SLC9A7: variants seen among roughly 807,000 people sequenced by gnomAD.
SLC9A7 encodes the protein solute carrier family 9 member A7.
Under a neutral mutation model 52.6 loss-of-function variants are expected in SLC9A7, and 19 were observed. The observed-to-expected ratio is 0.36, with a 90% CI of 0.25 to 0.53. The LOEUF (loss-of-function observed/expected upper bound fraction) is 0.53, where lower values mean the gene tolerates loss of function less well. Among genes scored for constraint, SLC9A7 ranks in the 20% least tolerant of loss-of-function variants. The pLI is 0.91. For synonymous variants in SLC9A7, 226 were observed against 252.1 expected (o/e 0.90, Z 0.98); for missense variants, 455 against 597.9 (o/e 0.76, Z 2.49).
chrX:46,717,154 CA>C (rs1470064637), intron 1 of SLC9A7, among the ~76,000 whole-genome samples: 1 of 112,250 alleles, frequency 8.9e-6, no homozygotes, highest in African/African-American at 3.2e-5. Flanking sequence ...GGAAAATACT[CA>C]AAAGGTGCTC....
At chrX:46,683,034 C>T (rs1448186801) in intron 1 of SLC9A7, among the ~76,000 whole-genome samples, 8 of 99,157 alleles carry the variant, frequency 8.1e-5, no homozygotes, top group Non-Finnish European at 1.6e-4. Flanking sequence ...TGGTCTCGAA[C>T]TCCTGACCTC....
At chrX:46,645,681 T>G (rs1165963003) in intron 11 of SLC9A7, among the ~76,000 whole-genome samples, 5 of 105,892 alleles carry the variant, frequency 4.7e-5, no homozygotes, top group African/African-American at 1.4e-4. Flanking sequence ...AAAGATTTAG[T>G]ACAGTTATGC....
intron 1 of SLC9A7, among the ~76,000 whole-genome samples, chrX:46,749,911 T>C (rs1020632972): frequency 1.8e-5 from 2 of 109,827 alleles, no homozygotes; most frequent in Middle Eastern, 4.6e-3. Context: ...TGAAACCCCG[T>C]CTCTACTAAA....
chrX:46,621,179 C>A, intron 14 of SLC9A7, 120 bp from the exon 15 acceptor site: 1 of 416,371 alleles, frequency 2.4e-6, no homozygotes, highest in South Asian at 5.1e-5. Flanking sequence ...CATCCCATGT[C>A]AGCAAAGTTT....
rs73493063 is a variant in SLC9A7 at position 46,675,262 on chromosome X, A to G, written c.604-2635T>C. Among the ~76,000 whole-genome samples, 735 of 111,135 alleles carry G rather than the reference A, an allele frequency of 6.6e-3. 8 individuals are homozygous for G. Among genetic ancestry groups the G allele is most frequent in the African/African-American group, 0.022 (670 of 30,615 alleles). On this transcript the variant is annotated intron_variant, in intron 3 of 16. Coordinates refer to ENST00000616978, the MANE Select transcript of SLC9A7 (RefSeq NM_001257291.2). ...TTCAAGTCAGAAAGCCCAGGTCTGC[A>G]TGATAGCTATATGATGTGAATAGGC...
intron 1 of SLC9A7, among the ~76,000 whole-genome samples, chrX:46,698,442 CAG>C (rs1383528553): frequency 8.9e-6 from 1 of 112,324 alleles, no homozygotes; most frequent in Non-Finnish European, 1.9e-5. Flanking sequence ...ACTTCCCTGA[CAG>C]AGTTAGCCAT....
intron 1 of SLC9A7, among the ~76,000 whole-genome samples, chrX:46,715,075 C>T (rs1569522324): frequency 8.9e-6 from 1 of 111,960 alleles, no homozygotes; most frequent in Non-Finnish European, 1.9e-5. Flanking sequence ...TCCATCTTGA[C>T]AAAATTCCTT....
intron 1 of SLC9A7, among the ~76,000 whole-genome samples, chrX:46,730,737 A>G (rs1401039853): frequency 8.1e-5 from 7 of 86,570 alleles, no homozygotes; most frequent in Non-Finnish European, 1.1e-4. Context: ...CTTGTTTATA[A>G]TAGTACCAAA....
At chrX:46,630,281 A>G (rs1943201452) in intron 14 of SLC9A7, among the ~76,000 whole-genome samples, 1 of 111,917 alleles carries the variant, frequency 8.9e-6, no homozygotes, top group Non-Finnish European at 1.9e-5. Flanking sequence ...AGAAGATCCT[A>G]TGGAATGTGA....
chrX:46,751,872 A>G (rs1922260259), intron 1 of SLC9A7, among the ~76,000 whole-genome samples: 1 of 112,133 alleles, frequency 8.9e-6, no homozygotes. Flanking sequence ...CACCTCAGGT[A>G]AACTAATGTC....
At position 46,662,630 on chromosome X, in the gene SLC9A7, C is replaced by T. The variant is rs775818437; in HGVS notation, c.807G>A (p.Ala269=). 5.8e-6 allele frequency: 7 copies of T among 1,204,345 alleles called. No homozygotes were observed. The highest frequency in any genetic ancestry group is 2.2e-5 in the Admixed American group (1 of 45,705). ...ISATDPVTVL[A]IFNELHADVD... ...CGTCTGCATGCAATTCATTAAATAT[C>T]GCCAGCACAGTCACTGAAAAGTGAG... Residue 269 remains alanine (A), a synonymous_variant, in exon 6 of 17, where the codon GCG becomes GCA. Coordinates refer to ENST00000616978, the MANE Select transcript of SLC9A7 (RefSeq NM_001257291.2).
At chrX:46,644,312 C>A (rs1943453802) in intron 11 of SLC9A7, among the ~76,000 whole-genome samples, 1 of 111,857 alleles carries the variant, frequency 8.9e-6, no homozygotes, top group African/African-American at 3.3e-5. Context: ...GTTCCTTTCC[C>A]ATATCACGCT....
chrX:46,656,069 C>T (rs1251431598), intron 7 of SLC9A7, among the ~76,000 whole-genome samples: 2 of 111,439 alleles, frequency 1.8e-5, no homozygotes, highest in Admixed American at 1.9e-4. Flanking sequence ...TGACCCCTGA[C>T]CCCCGAGCAG....
At chrX:46,632,668 C>G (rs1373983757) in intron 13 of SLC9A7, among the ~76,000 whole-genome samples, 1 of 111,739 alleles carries the variant, frequency 8.9e-6, no homozygotes, top group Non-Finnish European at 1.9e-5. Context: ...TTTCTCTCCC[C>G]TGCTGCAAAA....
intron 14 of SLC9A7, among the ~76,000 whole-genome samples, chrX:46,622,121 C>T (rs967477044): frequency 2.3e-4 from 26 of 111,930 alleles, no homozygotes; most frequent in African/African-American, 8.4e-4. Context: ...TTTCCAACAG[C>T]AAAGATTATT....
intron 7 of SLC9A7, among the ~76,000 whole-genome samples, chrX:46,659,904 C>T (rs1290225867): frequency 9.5e-6 from 1 of 105,216 alleles, no homozygotes; most frequent in African/African-American, 3.6e-5. Flanking sequence ...AAAAAAGAGC[C>T]TGCATCGCCA....
At chrX:46,702,684 T>C (rs1289427904) in intron 1 of SLC9A7, among the ~76,000 whole-genome samples, 1 of 112,388 alleles carries the variant, frequency 8.9e-6, no homozygotes, top group Non-Finnish European at 1.9e-5. Context: ...CAATCCACTG[T>C]TGATGGGCAC....
At chrX:46,678,918 T>A (rs1374239653) in intron 3 of SLC9A7, among the ~76,000 whole-genome samples, 2 of 111,156 alleles carry the variant, frequency 1.8e-5, no homozygotes, top group South Asian at 3.8e-4. Flanking sequence ...TAGTTCCCTA[T>A]CATTTAATCA....
intron 14 of SLC9A7, among the ~76,000 whole-genome samples, chrX:46,630,413 C>T (rs1476256679): frequency 8.9e-6 from 1 of 112,400 alleles, no homozygotes; most frequent in Non-Finnish European, 1.9e-5. Flanking sequence ...CTGCCTGTTG[C>T]ATGCTGCATC....
Sources: allele counts gnomAD v4.1 joint callset (sites outside exome capture counted in the v4.1 genomes callset), GRCh38; gene constraint gnomAD v4.1.1; transcripts MANE v1.5; gene names NCBI Gene and HGNC (gene_info 2026-07-23, HGNC 2026-07-21).